Variants in MGAT4C observed in about 807,000 individuals in gnomAD.
The protein encoded by MGAT4C is MGAT4 family member C.
MGAT4C carries 19 observed loss-of-function variants against 40.1 expected under a neutral mutation model. The ratio of observed to expected loss-of-function variants is 0.47; its 90% confidence interval spans 0.33 to 0.70. The LOEUF is 0.70. MGAT4C is among the 30% of genes least tolerant of loss of function. MGAT4C has a pLI of 0.02. For missense variants in MGAT4C, 491 were observed against 563.2 expected (o/e 0.87, Z 1.30); for synonymous variants, 181 against 187.1 (o/e 0.97, Z 0.27).
chr12:86,065,550 G>A (rs1016041350), intron 1 of MGAT4C, among the ~76,000 whole-genome samples: 34 of 152,094 alleles, frequency 2.2e-4, no homozygotes. Flanking sequence ...GGTATTGATG[G>A]AACGTATATC....
intron 2 of MGAT4C, among the ~76,000 whole-genome samples, chr12:86,497,820 A>G (rs1270244733): frequency 6.7e-6 from 1 of 148,296 alleles, no homozygotes; most frequent in African/African-American, 2.5e-5. Flanking sequence ...CTATAGCTCT[A>G]TGCAAATTCT....
chr12:86,077,360 A>G (rs1328539033), intron 1 of MGAT4C, among the ~76,000 whole-genome samples: 2 of 152,224 alleles, frequency 1.3e-5, no homozygotes, highest in Non-Finnish European at 2.9e-5. Flanking sequence ...TATTACAGGA[A>G]GTCAACAATA....
rs372785859 is a variant in MGAT4C at position 86,332,420 on chromosome 12, C to CAA, written c.-57+1643_-57+1644dup. Among the ~76,000 whole-genome samples, 1,199 of 144,056 alleles carry CAA rather than the reference C, an allele frequency of 8.3e-3. 24 individuals are homozygous for CAA. Among genetic ancestry groups the CAA allele is most frequent in the African/African-American group, 0.029 (1,147 of 39,246 alleles). The allele number at this position is 144,056 out of a possible 152,430, so 94.5% of individuals were successfully genotyped here. A position where few individuals can be genotyped will look rare whatever the true frequency, so the allele number is the denominator to read the frequency against. On this transcript the variant is annotated intron_variant, in intron 4 of 7. Transcript: ENST00000548651. ...TTTTTGGTATTTGCCAAGTATCTCT[C>CAA]AAAAAAAAAGAAAAAAAAAGCCCCA... is the stretch of plus-strand genomic sequence containing the variant.
intron 2 of MGAT4C, among the ~76,000 whole-genome samples, chr12:86,008,175 G>A (rs187273486): frequency 9.2e-5 from 14 of 151,972 alleles, no homozygotes; most frequent in Admixed American, 7.9e-4. Context: ...TGTTGAGTCT[G>A]TAAATTATTA....
At chr12:86,591,978 T>C (rs1334170354) in intron 2 of MGAT4C, among the ~76,000 whole-genome samples, 2 of 152,008 alleles carry the variant, frequency 1.3e-5, no homozygotes, top group African/African-American at 4.8e-5. Context: ...TGGAAAAAAT[T>C]ATGAAGTCTT....
At chr12:86,028,168 A>G (rs774378533) in intron 2 of MGAT4C, 6 of 1,288,252 alleles carry the variant, frequency 4.7e-6, no homozygotes, top group East Asian at 5.6e-5. Flanking sequence ...AAATCTGACC[A>G]TGTCCTTCCC....
At chr12:86,586,806 T>G (rs1961065919) in intron 2 of MGAT4C, among the ~76,000 whole-genome samples, 1 of 152,214 alleles carries the variant, frequency 6.6e-6, no homozygotes, top group Non-Finnish European at 1.5e-5. Context: ...TTGTTTGTTT[T>G]TTTTCTTGTA....
chr12:86,520,692 C>T (rs966694104), intron 2 of MGAT4C, among the ~76,000 whole-genome samples: 12 of 152,142 alleles, frequency 7.9e-5, no homozygotes, highest in Admixed American at 7.9e-4. Flanking sequence ...ATATTCCCAT[C>T]AACAGTGTAT....
At chr12:86,211,064 C>T (rs1428402303) in intron 1 of MGAT4C, among the ~76,000 whole-genome samples, 1 of 151,862 alleles carries the variant, frequency 6.6e-6, no homozygotes, top group Non-Finnish European at 1.5e-5. Context: ...GAAAGTAACA[C>T]ATGGTAGTAT....
At chr12:86,681,986 T>C (rs975683029) in intron 2 of MGAT4C, among the ~76,000 whole-genome samples, 1 of 152,008 alleles carries the variant, frequency 6.6e-6, no homozygotes, top group African/African-American at 2.4e-5. Flanking sequence ...AGAGACAATA[T>C]AGCTTTGAAA....
intron 3 of MGAT4C, among the ~76,000 whole-genome samples, chr12:86,399,282 C>T (rs909133528): frequency 2.8e-4 from 42 of 150,136 alleles, no homozygotes; most frequent in African/African-American, 1.0e-3. Context: ...TGTCCAATTA[C>T]ATATTTCTTT....
chr12:86,411,967 C>T (rs947544178), intron 3 of MGAT4C, among the ~76,000 whole-genome samples: 1 of 152,180 alleles, frequency 6.6e-6, no homozygotes, highest in Non-Finnish European at 1.5e-5. Context: ...GGCCACTGCT[C>T]CAAAGAGTGC....
chr12:86,555,651 G>A (rs1185791008), intron 2 of MGAT4C, among the ~76,000 whole-genome samples: 1 of 152,156 alleles, frequency 6.6e-6, no homozygotes, highest in Non-Finnish European at 1.5e-5. Flanking sequence ...TGAGTTAAAA[G>A]AACCTGCTCT....
chr12:86,515,965 C>T (rs905633814), intron 2 of MGAT4C, among the ~76,000 whole-genome samples: 8 of 151,882 alleles, frequency 5.3e-5, no homozygotes, highest in Admixed American at 5.2e-4. Context: ...AGGATGTTCT[C>T]GAGCTCCTGA....
chr12:86,419,900 T>A (rs1287141171), intron 3 of MGAT4C, among the ~76,000 whole-genome samples: 31 of 152,294 alleles, frequency 2.0e-4, no homozygotes, highest in Admixed American at 2.0e-3. Flanking sequence ...TGTTATGTGT[T>A]AAGTGCAGCA....
chr12:85,994,745 C>A (rs1458274953), intron 2 of MGAT4C, among the ~76,000 whole-genome samples: 1 of 152,082 alleles, frequency 6.6e-6, no homozygotes, highest in Non-Finnish European at 1.5e-5. Flanking sequence ...AGAACAGACT[C>A]CGGGATTAGT....
intron 2 of MGAT4C, among the ~76,000 whole-genome samples, chr12:86,514,512 G>C (rs1479691050): frequency 6.6e-6 from 1 of 152,066 alleles, no homozygotes. Flanking sequence ...GTTTTTAGAG[G>C]CCCCCTGCAT....
At chr12:86,040,407 C>T (rs1265489483) in intron 2 of MGAT4C, among the ~76,000 whole-genome samples, 1 of 152,212 alleles carries the variant, frequency 6.6e-6, no homozygotes, top group African/African-American at 2.4e-5. Context: ...GGGGCTGCTG[C>T]CTTTTTTTCA....
At chr12:86,287,670 T>A (rs1400987791) in intron 4 of MGAT4C, among the ~76,000 whole-genome samples, 7 of 152,298 alleles carry the variant, frequency 4.6e-5, no homozygotes, top group East Asian at 1.9e-4. Flanking sequence ...TCCACGTCCC[T>A]GCAAAGGACA....
Sources: allele counts gnomAD v4.1 joint callset (sites outside exome capture counted in the v4.1 genomes callset), GRCh38; gene constraint gnomAD v4.1.1; transcripts MANE v1.5; gene names NCBI Gene and HGNC (gene_info 2026-07-23, HGNC 2026-07-21).